Variants in WDR70 observed in about 807,000 individuals in gnomAD.
WDR70 encodes WD repeat domain 70, also known as WD repeat-containing protein 70.
Under a neutral mutation model 88.6 loss-of-function variants are expected in WDR70, and 53 were observed. The ratio of observed to expected loss-of-function variants is 0.60; its 90% CI spans 0.48 to 0.75. The LOEUF is 0.75. Among genes scored for constraint, WDR70 ranks in the 30% least tolerant of loss-of-function variants. The probability of loss-of-function intolerance (pLI) is 0.00; values close to 1 mark genes in which losing one functional copy is unlikely to be tolerated. For missense variants in WDR70, 610 were observed against 823.2 expected (o/e 0.74, Z 3.17); for synonymous variants, 280 against 270.0 (o/e 1.04, Z -0.36).
At chr5:37,474,537 C>T (rs1739420649) in intron 7 of WDR70, among the ~76,000 whole-genome samples, 1 of 152,082 alleles carries the variant, frequency 6.6e-6, no homozygotes, top group Non-Finnish European at 1.5e-5. Flanking sequence ...TGGTAGATTT[C>T]CCCATTTGTT....
intron 5 of WDR70, among the ~76,000 whole-genome samples, chr5:37,407,709 T>C (rs1749395626): frequency 6.6e-6 from 1 of 152,068 alleles, no homozygotes; most frequent in South Asian, 2.1e-4. Flanking sequence ...TGTCTGTTTT[T>C]GTAGAAACGG....
chr5:37,742,265 T>TG (rs1387869860), intron 17 of WDR70, among the ~76,000 whole-genome samples: 1 of 94,424 alleles, frequency 1.1e-5, no homozygotes, highest in Admixed American at 8.9e-5. Flanking sequence ...TATCTGTTGT[T>TG]TTTTTTTTTT....
At chr5:37,581,953 C>A (rs551152393) in intron 9 of WDR70, among the ~76,000 whole-genome samples, 1 of 152,166 alleles carries the variant, frequency 6.6e-6, no homozygotes, top group Admixed American at 6.5e-5. Context: ...AATTCCAAAT[C>A]CTAGCTCTCA....
At chr5:37,584,335 C>G (rs574720304) in intron 9 of WDR70, among the ~76,000 whole-genome samples, 1 of 152,286 alleles carries the variant, frequency 6.6e-6, no homozygotes, top group East Asian at 1.9e-4. Flanking sequence ...GAATAATTCT[C>G]CATGTACAAG....
chr5:37,590,447 G>C (rs1306728275), intron 9 of WDR70, among the ~76,000 whole-genome samples: 2 of 152,026 alleles, frequency 1.3e-5, no homozygotes, highest in African/African-American at 4.8e-5. Flanking sequence ...GTGTACAGTG[G>C]GTTCAATGGT....
intron 8 of WDR70, among the ~76,000 whole-genome samples, chr5:37,492,562 A>T (rs557349858): frequency 1.3e-5 from 2 of 152,314 alleles, no homozygotes; most frequent in South Asian, 2.1e-4. Context: ...GAGCACTTAA[A>T]AGCAGTTGGG....
intron 9 of WDR70, among the ~76,000 whole-genome samples, chr5:37,529,948 G>A (rs2366419): frequency 0.64 from 97,231 of 151,922 alleles, 31,450 homozygotes; most frequent in Non-Finnish European, 0.69. Flanking sequence ...GTATACTGTT[G>A]GCTGTGGGAT....
At chr5:37,440,831 TTATTC>T (rs1267103865) in intron 6 of WDR70, among the ~76,000 whole-genome samples, 1 of 152,236 alleles carries the variant, frequency 6.6e-6, no homozygotes, top group Non-Finnish European at 1.5e-5. Flanking sequence ...AGTTTGCAAT[TTATTC>T]TGTTCTTCCT....
At chr5:37,636,333 T>G (rs1000599776) in intron 10 of WDR70, among the ~76,000 whole-genome samples, 2 of 152,170 alleles carry the variant, frequency 1.3e-5, no homozygotes, top group Non-Finnish European at 2.9e-5. Context: ...ATAATTCCAA[T>G]TAATAAATGT....
chr5:37,444,575 T>TC (rs763708877), intron 7 of WDR70, among the ~76,000 whole-genome samples: 13 of 152,204 alleles, frequency 8.5e-5, no homozygotes, highest in Non-Finnish European at 1.6e-4. Flanking sequence ...ACTCCTGATC[T>TC]CAAGTAATCC....
chr5:37,456,629 A>G (rs1227506461), intron 7 of WDR70, among the ~76,000 whole-genome samples: 2 of 152,180 alleles, frequency 1.3e-5, no homozygotes, highest in African/African-American at 4.8e-5. Flanking sequence ...CTAGAAATGG[A>G]AGTGTATTAT....
intron 9 of WDR70, among the ~76,000 whole-genome samples, chr5:37,585,173 G>A (rs963350169): frequency 2.6e-5 from 4 of 151,822 alleles, no homozygotes; most frequent in African/African-American, 9.7e-5. Flanking sequence ...TGCATTTTTA[G>A]TAGAGACAGG....
At position 37,550,779 on chromosome 5, in the gene WDR70, TA is replaced by T. The variant is rs1246213838; in HGVS notation, c.917+34190del. Among the ~76,000 whole-genome samples the T allele has an allele frequency of 2.6e-5, 4 of 152,226 alleles. No homozygotes were observed. In the East Asian group the frequency reaches 7.7e-4, roughly 29 times the overall value. On this transcript the variant is annotated intron_variant, in intron 9 of 17. Coordinates refer to ENST00000265107, the MANE Select transcript of WDR70 (RefSeq NM_018034.4). ...TAAGGACTTGTTCCTGCCATTTTGT[TA>T]TTTGTTTTCTGGTTATTTTTTGGTC...
chr5:37,570,938 G>A (rs1196478724), intron 9 of WDR70, among the ~76,000 whole-genome samples: 1 of 151,950 alleles, frequency 6.6e-6, no homozygotes, highest in Non-Finnish European at 1.5e-5. Context: ...CACATATAAG[G>A]TTCTCATAGA....
At chr5:37,737,671 A>C (rs947720080) in intron 17 of WDR70, among the ~76,000 whole-genome samples, 1 of 152,308 alleles carries the variant, frequency 6.6e-6, no homozygotes, top group Admixed American at 6.5e-5. Flanking sequence ...GAACTTATTA[A>C]GAGAGTGCTT....
chr5:37,557,913 A>AT lies in WDR70; in HGVS notation c.917+41323_917+41324insT, dbSNP rs1257387195. Among the ~76,000 whole-genome samples the AT allele has an allele frequency of 4.3e-3, 561 of 130,982 alleles. 223 individuals carry two copies. The highest frequency in any genetic ancestry group is 6.9e-3 in the Non-Finnish European group (398 of 57,390). 85.9% of individuals were successfully genotyped at this position (130,982 alleles called of 152,430 possible). A position where few individuals can be genotyped will look rare whatever the true frequency, so the allele number is the denominator to read the frequency against. On this transcript the variant is annotated intron_variant, in intron 9 of 17. Coordinates refer to ENST00000265107, the MANE Select transcript of WDR70 (RefSeq NM_018034.4). ...CCTCTTCAGATTTATACTCTTTTGA[A>AT]AACTCTTCAAAAGAGTACTCTTTTG...
chr5:37,453,615 TGTTTATGGCCAGTTTTGGGGCCA>T (rs1378302808), intron 7 of WDR70, among the ~76,000 whole-genome samples: 4 of 152,242 alleles, frequency 2.6e-5, no homozygotes, highest in African/African-American at 9.6e-5. Context: ...TGCAGAGATT[TGTTTATGGCCAGTTTTGGGGCCA>T]GTTTATGGCC....
intron 9 of WDR70, among the ~76,000 whole-genome samples, chr5:37,540,468 G>A (rs932902266): frequency 1.3e-5 from 2 of 152,100 alleles, no homozygotes; most frequent in South Asian, 2.1e-4. Context: ...TGCAATCTCC[G>A]CCTCCCAGGT....
intron 9 of WDR70, among the ~76,000 whole-genome samples, chr5:37,540,895 A>T (rs937927779): frequency 6.6e-5 from 10 of 152,202 alleles, no homozygotes; most frequent in East Asian, 5.8e-4. Context: ...TTATTTTTTT[A>T]AAATCTACTT....
Sources: gnomAD v4.1 joint callset for allele counts (sites outside exome capture counted in the v4.1 genomes callset) on GRCh38, gnomAD v4.1.1 for gene constraint, MANE v1.5 for transcripts, NCBI Gene and HGNC (gene_info 2026-07-23, HGNC 2026-07-21) for gene names.